The following SLC2A12 variants were observed in gnomAD, a reference collection of about 807,000 sequenced individuals.
SLC2A12 encodes the protein solute carrier family 2, facilitated glucose transporter member 12.
In SLC2A12, 23 loss-of-function variants were observed where a neutral mutation model predicts 41.8. The observed-to-expected ratio is 0.55, with a 90% CI of 0.40 to 0.78. SLC2A12 has a LOEUF of 0.78. Among genes scored for constraint, SLC2A12 ranks in the 30% least tolerant of loss-of-function variants. SLC2A12 has a pLI of 0.00. For missense variants in SLC2A12, 654 were observed against 745.6 expected (o/e 0.88, Z 1.43); for synonymous variants, 295 against 285.9 (o/e 1.03, Z -0.32).
At chr6:134,046,152 C>T (rs1210282657) in intron 1 of SLC2A12, among the ~76,000 whole-genome samples, 1 of 152,082 alleles carries the variant, frequency 6.6e-6, no homozygotes, top group African/African-American at 2.4e-5. Flanking sequence ...TCATAACTCC[C>T]AACTCTAACT....
chr6:134,047,875 G>T (rs1373912066), intron 1 of SLC2A12, among the ~76,000 whole-genome samples: 1 of 152,232 alleles, frequency 6.6e-6, no homozygotes, highest in Non-Finnish European at 1.5e-5. Context: ...CTGCTCTCAG[G>T]CTGGCTTGGT....
At chr6:134,025,183 G>A (rs1273482297) in intron 2 of SLC2A12, among the ~76,000 whole-genome samples, 1 of 152,112 alleles carries the variant, frequency 6.6e-6, no homozygotes, top group Non-Finnish European at 1.5e-5. Context: ...GACTTTCAAG[G>A]AGAAGAATGA....
At chr6:134,016,627 C>T (rs778920198) in intron 2 of SLC2A12, among the ~76,000 whole-genome samples, 1 of 151,396 alleles carries the variant, frequency 6.6e-6, no homozygotes, top group Non-Finnish European at 1.5e-5. Context: ...AATAAACTGC[C>T]CTTTGTCTCT....
chr6:134,030,782 G>A (rs1777193925), intron 1 of SLC2A12, among the ~76,000 whole-genome samples: 1 of 152,210 alleles, frequency 6.6e-6, no homozygotes, highest in Admixed American at 6.5e-5. Context: ...ATTTGGATAA[G>A]TACAGAGGGG....
chr6:134,044,730 A>C (rs932767060), intron 1 of SLC2A12, among the ~76,000 whole-genome samples: 1 of 149,960 alleles, frequency 6.7e-6, no homozygotes, highest in Non-Finnish European at 1.5e-5. Context: ...AAAAAAAAAA[A>C]AAAAGAATAA....
intron 2 of SLC2A12, among the ~76,000 whole-genome samples, chr6:134,017,668 C>T (rs1367059758): frequency 6.6e-6 from 1 of 151,892 alleles, no homozygotes; most frequent in Admixed American, 6.6e-5. Context: ...TTGGCGAACA[C>T]GATGAAACCC....
In SLC2A12 at chr6:134,028,711, A is replaced by T. The variant is rs780414787; in HGVS notation, c.1114T>A (p.Phe372Ile). The change falls in exon 2 of 5, where the codon TTC becomes ATC. Residue 372 changes from phenylalanine to isoleucine, a missense_variant. Phe to Ile is a conservative substitution (Grantham distance 21). This residue lies in a region of SLC2A12 where 411 missense variants were observed against 412.1 expected (regional missense o/e 1.00). Transcript: ENST00000275230. ...TTGTGGCTTCTGCAGATATGGGTGAAGTTCATGTGGATGTTGAGATTTACG... is the reference window on the plus strand; with the variant it reads ...TTGTGGCTTCTGCAGATATGGGTGATGTTCATGTGGATGTTGAGATTTACG... ...GIVNLNIHMN[F>I]THICRSHNSI... is the part of the protein sequence containing the mutation. The T allele has an allele frequency of 1.9e-6, 3 of 1,614,154 alleles. No homozygotes were observed. Among genetic ancestry groups the T allele is most frequent in the Admixed American group, 3.3e-5 (2 of 60,012 alleles).
At chr6:134,017,728 C>A (rs1776981392) in intron 2 of SLC2A12, among the ~76,000 whole-genome samples, 1 of 152,040 alleles carries the variant, frequency 6.6e-6, no homozygotes, top group Non-Finnish European at 1.5e-5. Flanking sequence ...GTGGCGGGCG[C>A]CTGTAGTCCC....
chr6:134,052,574 A>G lies in SLC2A12; in HGVS notation c.-94T>C, dbSNP rs1313433652. 1 of 913,984 alleles carries G rather than the reference A, an allele frequency of 1.1e-6. No individual in the cohort carries two copies. The highest frequency in any genetic ancestry group is 2.4e-5 in the East Asian group (1 of 40,982). 56.6% of individuals were successfully genotyped at this position (913,984 alleles called of 1,614,324 possible). ...GTCACTTTCCCCATAATAGCATGCT[A>G]AAGAAGAGTGTGGGGAAAAACTTCG... On this transcript the variant is annotated 5_prime_UTR_variant, in exon 1 of 5. Coordinates refer to ENST00000275230, the MANE Select transcript of SLC2A12 (RefSeq NM_145176.3).
In SLC2A12 at chr6:134,040,313, A is replaced by C. The variant is rs143530116; in HGVS notation, c.104-10592T>G. 2.8e-3 allele frequency among the ~76,000 whole-genome samples: 422 copies of C among 152,118 alleles called. 2 individuals carry two copies. Among genetic ancestry groups the C allele is most frequent in the African/African-American group, 8.3e-3 (343 of 41,510 alleles). ...AGGCTGGTCTCGAACTTCGGAGCTC[A>C]AGTGATCCTCCCACCTCAGCCTCCC... On this transcript the variant is annotated intron_variant, in intron 1 of 4. Coordinates refer to ENST00000275230, the MANE Select transcript of SLC2A12 (RefSeq NM_145176.3).
chr6:134,042,745 G>A (rs1045901319), intron 1 of SLC2A12, among the ~76,000 whole-genome samples: 3 of 151,940 alleles, frequency 2.0e-5, no homozygotes, highest in Non-Finnish European at 4.4e-5. Context: ...TGGGAGGACT[G>A]CTTGAGCCCA....
At chr6:133,993,258 C>T (rs73550527) in intron 4 of SLC2A12, among the ~76,000 whole-genome samples, 7,116 of 152,204 alleles carry the variant, frequency 0.047, 572 homozygotes, top group African/African-American at 0.16. Flanking sequence ...GACTCTAACC[C>T]CTAGAGTCTC....
intron 1 of SLC2A12, 120 bp from the exon 2 acceptor site, chr6:134,029,841 A>G: frequency 8.2e-7 from 1 of 1,224,190 alleles, no homozygotes; most frequent in East Asian, 2.4e-5. Flanking sequence ...AAACGAACAC[A>G]CAATTATGAT....
In SLC2A12 at chr6:133,991,134, G is replaced by A. The variant is rs755570126; in HGVS notation, c.*21C>T. ...TCCTAAGTGTTCTGGCACTATCCAC[G>A]TTCAGAAGGTGTTGAGGCCATTAGG... is the stretch of plus-strand genomic sequence containing the variant. On this transcript the variant is annotated 3_prime_UTR_variant, in exon 5 of 5. Coordinates refer to ENST00000275230, the MANE Select transcript of SLC2A12 (RefSeq NM_145176.3). 22 of 1,601,912 alleles carry A rather than the reference G, an allele frequency of 1.4e-5. No homozygotes were observed. Among genetic ancestry groups the A allele is most frequent in the Admixed American group, 3.5e-5 (2 of 56,850 alleles).
intron 2 of SLC2A12, among the ~76,000 whole-genome samples, chr6:134,009,672 A>T (rs1169796633): frequency 1.4e-5 from 2 of 143,858 alleles, no homozygotes; most frequent in African/African-American, 2.9e-5. Context: ...AATAATAAAT[A>T]AAATAAAATA....
chr6:133,995,865 C>G (rs1172913726), intron 4 of SLC2A12, among the ~76,000 whole-genome samples: 2 of 152,234 alleles, frequency 1.3e-5, no homozygotes, highest in Non-Finnish European at 2.9e-5. Flanking sequence ...AGCCTTCTTT[C>G]CATTTCTGGA....
intron 2 of SLC2A12, among the ~76,000 whole-genome samples, chr6:134,016,012 T>C (rs2114449849): frequency 6.6e-6 from 1 of 152,302 alleles, no homozygotes; most frequent in Middle Eastern, 3.4e-3. Flanking sequence ...TAGTTTGTTG[T>C]TTCGAATAGA....
intron 2 of SLC2A12, among the ~76,000 whole-genome samples, chr6:134,019,909 C>T (rs1777018763): frequency 6.6e-6 from 1 of 151,692 alleles, no homozygotes; most frequent in Non-Finnish European, 1.5e-5. Flanking sequence ...ACTGTAATCC[C>T]AGCTACTCAG....
chr6:133,991,928 T>G (rs1372046933), intron 4 of SLC2A12, among the ~76,000 whole-genome samples: 1 of 152,038 alleles, frequency 6.6e-6, no homozygotes, highest in Non-Finnish European at 1.5e-5. Flanking sequence ...TAACTTGAAG[T>G]AGTAAAAGTG....
Sources: allele counts gnomAD v4.1 joint callset (sites outside exome capture counted in the v4.1 genomes callset), GRCh38; gene constraint gnomAD v4.1.1; regional missense constraint gnomAD v4.1.1; transcripts MANE v1.5; gene names NCBI Gene and HGNC (gene_info 2026-07-23, HGNC 2026-07-21).